KAZN: variants seen among roughly 807,000 people sequenced by gnomAD.
The protein encoded by KAZN is kazrin, periplakin interacting protein.
A neutral mutation model predicts 87.4 loss-of-function variants in KAZN; 40 were observed. That is an observed-to-expected ratio of 0.46 (90% CI 0.36 to 0.60). The LOEUF (loss-of-function observed/expected upper bound fraction) is 0.60. KAZN is among the 20% of genes least tolerant of loss of function. The probability of loss-of-function intolerance (pLI) is 0.00; values close to 1 mark genes in which losing one functional copy is unlikely to be tolerated. For missense variants in KAZN, 898 were observed against 1,073.9 expected, an observed-to-expected ratio of 0.84 and a Z score of 2.29; for synonymous variants, 466 against 458.3, an observed-to-expected ratio of 1.02 and a Z score of -0.22.
At chr1:14,549,028 T>C (rs1393189029) in intron 2 of KAZN, among the ~76,000 whole-genome samples, 2 of 152,266 alleles carry the variant, frequency 1.3e-5, no homozygotes, top group Non-Finnish European at 2.9e-5. Context: ...TCAGTGTTTC[T>C]GTTGCTATCC....
intron 2 of KAZN, among the ~76,000 whole-genome samples, chr1:15,000,753 G>T (rs1668380824): frequency 6.6e-6 from 1 of 151,956 alleles, no homozygotes; most frequent in South Asian, 2.1e-4. Flanking sequence ...GGGAAAGAGG[G>T]GGTGTGCCTG....
intron 1 of KAZN, among the ~76,000 whole-genome samples, chr1:14,011,604 G>A (rs1640316032): frequency 6.6e-6 from 1 of 152,094 alleles, no homozygotes; most frequent in Admixed American, 6.6e-5. Context: ...CTCTGTCGAG[G>A]GAGGGATTGT....
intron 2 of KAZN, among the ~76,000 whole-genome samples, chr1:14,449,882 C>A (rs1667174184): frequency 6.6e-6 from 1 of 151,986 alleles, no homozygotes. Flanking sequence ...TTTAATGAGC[C>A]CCTTCTGACT....
chr1:14,711,126 G>C (rs1164488567), intron 1 of KAZN, among the ~76,000 whole-genome samples: 1 of 152,174 alleles, frequency 6.6e-6, no homozygotes, highest in African/African-American at 2.4e-5. Flanking sequence ...CCAGGAGTTG[G>C]AGGCTGCAGT....
chr1:14,522,293 C>G (rs1671629767), intron 2 of KAZN, among the ~76,000 whole-genome samples: 1 of 152,192 alleles, frequency 6.6e-6, no homozygotes, highest in Admixed American at 6.5e-5. Flanking sequence ...TGCCTCCCAT[C>G]TTCAGAGGAA....
At chr1:14,777,851 G>A (rs1368284021) in intron 1 of KAZN, among the ~76,000 whole-genome samples, 2 of 152,112 alleles carry the variant, frequency 1.3e-5, no homozygotes, top group Non-Finnish European at 2.9e-5. Context: ...GACCATATAG[G>A]GTAACTTCCT....
chr1:14,097,612 GGT>G (rs925419403), intron 1 of KAZN, among the ~76,000 whole-genome samples: 1 of 151,904 alleles, frequency 6.6e-6, no homozygotes, highest in Non-Finnish European at 1.5e-5. Context: ...GTATGTGAGG[GGT>G]GTGTGTGTGT....
In KAZN at chr1:14,184,924, C is replaced by T. The variant is rs1646272656; in HGVS notation, c.249+4332C>T. ...TCTGTTACTAGCACTTTCCATCCCT[C>T]CAGATTCTTTCCGAAGTTGATACTG... On this transcript the variant is annotated intron_variant, in intron 2 of 16. Transcript: ENST00000636203. The surrounding 1 kb of genome is among the most constrained non-coding windows in gnomAD (Gnocchi z 4.2). Among the ~76,000 whole-genome samples the T allele has an allele frequency of 6.6e-6, 1 of 152,196 alleles. No homozygotes were observed. The highest frequency in any genetic ancestry group is 2.4e-5 in the African/African-American group (1 of 41,448).
chr1:15,078,728 G>C (rs114423057), intron 8 of KAZN, among the ~76,000 whole-genome samples: 1 of 152,146 alleles, frequency 6.6e-6, no homozygotes, highest in Non-Finnish European at 1.5e-5. Context: ...TCTGCAGCGC[G>C]CATGCTGTTC....
intron 2 of KAZN, among the ~76,000 whole-genome samples, chr1:14,543,682 G>A (rs1238775943): frequency 1.3e-5 from 2 of 152,174 alleles, no homozygotes; most frequent in Admixed American, 6.5e-5. Flanking sequence ...TATGAGTCTT[G>A]TGCAATAGTT....
At chr1:14,023,564 A>G (rs1640939593) in intron 1 of KAZN, among the ~76,000 whole-genome samples, 1 of 152,196 alleles carries the variant, frequency 6.6e-6, no homozygotes, top group Non-Finnish European at 1.5e-5. Flanking sequence ...ATCTAAACCC[A>G]TAGGCTGCGC....
intron 1 of KAZN, among the ~76,000 whole-genome samples, chr1:14,892,133 G>A (rs888852878): frequency 2.6e-5 from 4 of 152,120 alleles, no homozygotes; most frequent in African/African-American, 7.2e-5. Flanking sequence ...TGACCCTGCC[G>A]TCATCTGTGC....
chr1:13,911,134 C>T (rs543778026), intron 1 of KAZN, among the ~76,000 whole-genome samples: 3 of 152,258 alleles, frequency 2.0e-5, no homozygotes, highest in South Asian at 4.1e-4. Flanking sequence ...CTGCAACCTC[C>T]ACCTCCCGGG....
At chr1:14,284,885 TTTACTC>T (rs1653119025) in intron 2 of KAZN, among the ~76,000 whole-genome samples, 1 of 152,206 alleles carries the variant, frequency 6.6e-6, no homozygotes, top group South Asian at 2.1e-4. Flanking sequence ...GTCTCTCTGT[TTTACTC>T]TTACAAATCT....
intron 1 of KAZN, among the ~76,000 whole-genome samples, chr1:14,726,063 G>C (rs755277232): frequency 6.4e-4 from 97 of 152,358 alleles, no homozygotes; most frequent in Non-Finnish European, 1.0e-3. Context: ...ATTCAAGCCA[G>C]TCAGAGGTTG....
intron 2 of KAZN, among the ~76,000 whole-genome samples, chr1:14,322,431 T>G (rs752462374): frequency 6.6e-6 from 1 of 152,162 alleles, no homozygotes; most frequent in Non-Finnish European, 1.5e-5. Flanking sequence ...TTCCTATAAC[T>G]TTAGCCTCTT....
intron 1 of KAZN, among the ~76,000 whole-genome samples, chr1:14,729,006 C>T (rs1643552175): frequency 6.6e-6 from 1 of 152,140 alleles, no homozygotes; most frequent in Non-Finnish European, 1.5e-5. Context: ...TGGGAAGCTG[C>T]CGTTTCTTGA....
intron 2 of KAZN, among the ~76,000 whole-genome samples, chr1:14,588,025 A>G (rs1675964564): frequency 3.9e-5 from 6 of 152,182 alleles, no homozygotes; most frequent in Admixed American, 2.0e-4. Flanking sequence ...CCTGTGGCTG[A>G]GTCTCAGCCC....
At chr1:14,370,820 G>T (rs1200239135) in intron 2 of KAZN, among the ~76,000 whole-genome samples, 1 of 152,152 alleles carries the variant, frequency 6.6e-6, no homozygotes, top group African/African-American at 2.4e-5. Flanking sequence ...GAGTAGTTGG[G>T]ACTACGGGCA....
Sources: gnomAD v4.1 joint callset for allele counts (sites outside exome capture counted in the v4.1 genomes callset) on GRCh38, gnomAD v4.1.1 for gene constraint, Gnocchi (gnomAD v3.1) non-coding constraint, MANE v1.5 for transcripts, NCBI Gene and HGNC (gene_info 2026-07-23, HGNC 2026-07-21) for gene names.